The following LMBRD1 variants were observed in gnomAD, a reference collection of about 807,000 sequenced individuals.
LMBRD1 encodes the protein LMBR1 domain containing 1.
A neutral mutation model predicts 74.8 loss-of-function variants in LMBRD1; 64 were observed. The ratio of observed to expected loss-of-function variants is 0.86; its 90% CI spans 0.70 to 1.05. The LOEUF (loss-of-function observed/expected upper bound fraction) is 1.05, where lower values mean the gene tolerates loss of function less well. Among genes scored for constraint, LMBRD1 ranks in the 50% least tolerant of loss-of-function variants. LMBRD1 has a pLI of 0.00. For synonymous variants in LMBRD1, 204 were observed against 216.3 expected (o/e 0.94, Z 0.50); for missense variants, 652 against 645.9 (o/e 1.01, Z -0.10).
chr6:69,763,805 A>G (rs1765422099), intron 3 of LMBRD1, among the ~76,000 whole-genome samples: 1 of 152,198 alleles, frequency 6.6e-6, no homozygotes, highest in Non-Finnish European at 1.5e-5. Context: ...TTATAATTCT[A>G]ATAGTATCTG....
At chr6:69,697,700 T>A in intron 13 of LMBRD1, 59 bp from the exon 14 acceptor site, 1 of 1,007,316 alleles carries the variant, frequency 9.9e-7, no homozygotes, top group Non-Finnish European at 1.6e-6. Context: ...CATTTGGATT[T>A]AAAAAGTAAT....
At chr6:69,698,308 TGAAG>T in intron 13 of LMBRD1, among the ~76,000 whole-genome samples, 1 of 152,026 alleles carries the variant, frequency 6.6e-6, no homozygotes, top group South Asian at 2.1e-4. Flanking sequence ...AAAGAAAGAA[TGAAG>T]GAAGAACAGG....
rs1766430951 is a variant in LMBRD1, at chr6:69,713,694, A to T, written c.866T>A (p.Ile289Asn). Reference protein sequence around the residue: ...LKKRERHLEFIENSWWTKFCG... With the variant: ...LKKRERHLEFNENSWWTKFCG... ...AAATTTTGTCCACCAGCTGTTTTCA[A>T]TGAATTCTAAATGCCTCTCTCTCTT... Residue 289 changes from isoleucine (I) to asparagine (N), a missense_variant, in exon 9 of 16, where the codon ATT becomes AAT. Transcript: ENST00000649934. 17 of 1,613,592 alleles carry T rather than the reference A, an allele frequency of 1.1e-5. No homozygotes were observed. The highest frequency in any genetic ancestry group is 1.4e-5 in the Non-Finnish European group (16 of 1,179,740).
intron 3 of LMBRD1, among the ~76,000 whole-genome samples, chr6:69,772,350 C>A (rs1375049183): frequency 6.6e-6 from 1 of 152,112 alleles, no homozygotes; most frequent in Non-Finnish European, 1.5e-5. Flanking sequence ...ACTCAAAAGG[C>A]ACAACCAAGA....
At chr6:69,778,681 T>C (rs1765757472) in intron 3 of LMBRD1, among the ~76,000 whole-genome samples, 1 of 152,190 alleles carries the variant, frequency 6.6e-6, no homozygotes, top group African/African-American at 2.4e-5. Flanking sequence ...ATTCTATTTA[T>C]ACTAAAAAGG....
chr6:69,733,321 A>G (rs575528717), intron 7 of LMBRD1, among the ~76,000 whole-genome samples: 6 of 152,296 alleles, frequency 3.9e-5, no homozygotes, highest in Non-Finnish European at 5.9e-5. Flanking sequence ...TGCCACAAGG[A>G]AAGTCCAGTT....
rs956367581 is a variant in LMBRD1 at position 69,675,527 on chromosome 6, T to C, written c.*631A>G. Among the ~76,000 whole-genome samples the C allele has an allele frequency of 4.6e-5, 7 of 152,162 alleles. No individual in the cohort carries two copies. Among genetic ancestry groups the C allele is most frequent in the African/African-American group, 1.4e-4 (6 of 41,448 alleles). On this transcript the variant is annotated 3_prime_UTR_variant, in exon 16 of 16. Transcript: ENST00000649934. The stretch of plus-strand genomic sequence containing the variant: ...TCAGATGCAAAACAAAAGCTACCTA[T>C]AACAATATGTATGCCTTAAATACTG...
Position 69,767,498 on chromosome 6 carries a change from G to A in LMBRD1, c.307+12996C>T, listed in dbSNP as rs568226822. Among the ~76,000 whole-genome samples, 5 of 151,832 alleles carry A rather than the reference G, an allele frequency of 3.3e-5. No homozygotes were observed. The East Asian group carries it at 9.6e-4, about 29-fold the overall frequency. On this transcript the variant is annotated intron_variant, in intron 3 of 15. Transcript: ENST00000649934. ...GTGGTTTAAATGCCAAATACTTGTG[G>A]ATTGCCAAGATTTTTTTCCATTGCT... is the stretch of plus-strand genomic sequence containing the variant.
chr6:69,679,172 A>G (rs918389859), intron 14 of LMBRD1, among the ~76,000 whole-genome samples: 5 of 152,148 alleles, frequency 3.3e-5, no homozygotes, highest in African/African-American at 1.2e-4. Flanking sequence ...AGCTCCCTTC[A>G]GAGTCTTTCT....
intron 7 of LMBRD1, among the ~76,000 whole-genome samples, chr6:69,725,681 T>C (rs1346516296): frequency 6.6e-6 from 1 of 152,136 alleles, no homozygotes; most frequent in Non-Finnish European, 1.5e-5. Context: ...TGGATATCCA[T>C]ATGTAGAAGA....
At chr6:69,759,434 A>T (rs1185571646) in intron 3 of LMBRD1, among the ~76,000 whole-genome samples, 1 of 152,152 alleles carries the variant, frequency 6.6e-6, no homozygotes, top group Non-Finnish European at 1.5e-5. Flanking sequence ...TTAAGAGAGC[A>T]GCAAATCAAA....
chr6:69,794,981 C>T (rs1193413848), intron 1 of LMBRD1, among the ~76,000 whole-genome samples: 1 of 152,232 alleles, frequency 6.6e-6, no homozygotes, highest in East Asian at 1.9e-4. Context: ...GAATCTTCCA[C>T]TTGTTGAGCT....
chr6:69,745,505 G>T (rs1015756642), intron 5 of LMBRD1, among the ~76,000 whole-genome samples: 7 of 147,688 alleles, frequency 4.7e-5, no homozygotes, highest in African/African-American at 1.7e-4. Context: ...TGATCCACCC[G>T]CCTCGGCCTC....
intron 3 of LMBRD1, among the ~76,000 whole-genome samples, chr6:69,768,379 C>T (rs998558547): frequency 6.6e-6 from 1 of 151,624 alleles, no homozygotes; most frequent in South Asian, 2.1e-4. Flanking sequence ...TTAGTGGTTG[C>T]TATAGGAATT....
intron 1 of LMBRD1, among the ~76,000 whole-genome samples, chr6:69,791,160 T>C (rs1377639942): frequency 6.6e-6 from 1 of 152,220 alleles, no homozygotes; most frequent in African/African-American, 2.4e-5. Flanking sequence ...AGCATAGGAC[T>C]TTAATGATTC....
chr6:69,713,551 C>T (rs1766427375), intron 9 of LMBRD1, 94 bp downstream of exon 9: 5 of 1,261,662 alleles, frequency 4.0e-6, no homozygotes, highest in Admixed American at 3.7e-5. Flanking sequence ...AAGTACCATG[C>T]TGTAATGCCT....
At chr6:69,688,165 AG>A (rs1490426182) in intron 14 of LMBRD1, among the ~76,000 whole-genome samples, 2 of 152,120 alleles carry the variant, frequency 1.3e-5, no homozygotes, top group Admixed American at 1.3e-4. Flanking sequence ...TCACCCTTTA[AG>A]ACTTAGTTTC....
intron 3 of LMBRD1, among the ~76,000 whole-genome samples, chr6:69,776,321 A>G (rs755522566): frequency 6.6e-5 from 10 of 152,240 alleles, no homozygotes; most frequent in Non-Finnish European, 1.2e-4. Context: ...GAAGATGACT[A>G]AAACTTCTTT....
intron 5 of LMBRD1, among the ~76,000 whole-genome samples, chr6:69,744,760 C>A (rs1582114259): frequency 6.6e-6 from 1 of 152,142 alleles, no homozygotes; most frequent in Non-Finnish European, 1.5e-5. Context: ...GGCTACTTAA[C>A]TGATCTTCCT....
Sources: gnomAD v4.1 joint callset for allele counts (sites outside exome capture counted in the v4.1 genomes callset) on GRCh38, gnomAD v4.1.1 for gene constraint, MANE v1.5 for transcripts, NCBI Gene and HGNC (gene_info 2026-07-23, HGNC 2026-07-21) for gene names.